The following MICU2 variants were observed in gnomAD, a reference collection of about 807,000 sequenced individuals.
MICU2 encodes the protein mitochondrial calcium uptake 2, also known as calcium uptake protein 2, mitochondrial.
A neutral mutation model predicts 60.4 loss-of-function variants in MICU2; 64 were observed. The observed-to-expected ratio is 1.06, with a 90% confidence interval of 0.87 to 1.31. MICU2 has a LOEUF of 1.31. MICU2 is among the 50% of genes most tolerant of loss of function. The pLI, the probability that MICU2 is intolerant of heterozygous loss-of-function variation, is 0.00. For synonymous variants in MICU2, 201 were observed against 175.0 expected (o/e 1.15, Z -1.17); for missense variants, 569 against 531.0 (o/e 1.07, Z -0.70).
At chr13:21,575,509 G>C (rs1889800877) in intron 1 of MICU2, among the ~76,000 whole-genome samples, 1 of 151,316 alleles carries the variant, frequency 6.6e-6, no homozygotes, top group Non-Finnish European at 1.5e-5. Flanking sequence ...GATCCCTTGA[G>C]CCCAAGAGTT....
chr13:21,576,757 T>C (rs1888235342), intron 1 of MICU2, among the ~76,000 whole-genome samples: 1 of 152,342 alleles, frequency 6.6e-6, no homozygotes. Context: ...GGCTGAATAC[T>C]GACTGATAGC....
intron 1 of MICU2, among the ~76,000 whole-genome samples, chr13:21,568,977 G>A (rs1443476331): frequency 6.6e-6 from 1 of 151,944 alleles, no homozygotes; most frequent in Non-Finnish European, 1.5e-5. Flanking sequence ...GTTATTCAGG[G>A]AAGTGCCATC....
chr13:21,496,125 A>G lies in MICU2; in HGVS notation c.969T>C (p.His323=), dbSNP rs1339735509. ...ISLDEFKSFC[H]FTTHLEDFAI... is the part of the protein sequence containing the mutation. ...CAAAGTCTTCCAAGTGGGTTGTAAA[A>G]TGGCAAAATGACTTGAATTCATCCA... The change falls in exon 10 of 12, where the codon CAT becomes CAC. Residue 323 remains histidine (H), a synonymous_variant. Coordinates refer to ENST00000382374, the MANE Select transcript of MICU2 (RefSeq NM_152726.3). The G allele has an allele frequency of 1.2e-6, 2 of 1,613,982 alleles. No homozygotes were observed. Among genetic ancestry groups the G allele is most frequent in the African/African-American group, 1.3e-5 (1 of 74,946 alleles).
chr13:21,567,007 C>A, intron 1 of MICU2, 63 bp from the exon 2 acceptor site: 1 of 1,388,018 alleles, frequency 7.2e-7, no homozygotes, highest in South Asian at 1.4e-5. Context: ...ACTTCTAGGA[C>A]AATCTTTAAA....
At chr13:21,550,804 T>C (rs967691584) in intron 2 of MICU2, among the ~76,000 whole-genome samples, 3 of 152,176 alleles carry the variant, frequency 2.0e-5, no homozygotes, top group African/African-American at 4.8e-5. Flanking sequence ...TTGACGTAGG[T>C]ACTATTAGCA....
rs113924028 is a variant in MICU2, at chr13:21,603,734, A to C, written c.210+205T>G. ...CCCAAGGGAGGCAGAATCTCCGGTC[A>C]CCAGCCTCGAAGGCCCTCGGGGACT... On this transcript the variant is annotated intron_variant, in intron 1 of 11. Coordinates refer to ENST00000382374, the MANE Select transcript of MICU2 (RefSeq NM_152726.3). 39 of 589,860 alleles carry C rather than the reference A, an allele frequency of 6.6e-5. 1 individual carries two copies. The highest frequency in any genetic ancestry group is 5.6e-4 in the African/African-American group (28 of 50,436). 36.5% of individuals were successfully genotyped at this position (589,860 alleles called of 1,614,324 possible). A position where few individuals can be genotyped will look rare whatever the true frequency, so the allele number is the denominator to read the frequency against.
chr13:21,514,394 CTT>C lies in MICU2; in HGVS notation c.620_621del (p.Gln207ArgfsTer2). The part of the protein sequence containing the change: ...FFKLQKIISK[Q>X]DDLMTVKTNE... ...TTAGTTTTCACTGTCATCAAGTCAT[CTT>C]GTTTACTTATGATCTTCTGCAGCTA... On this transcript the variant is annotated frameshift_variant, in exon 7 of 12. Transcript: ENST00000382374. LOFTEE classifies it high-confidence loss of function. 1 of 1,613,504 alleles carries C rather than the reference CTT, an allele frequency of 6.2e-7. No individual in the cohort carries two copies. The highest frequency in any genetic ancestry group is 2.2e-5 in the East Asian group (1 of 44,806).
intron 6 of MICU2, among the ~76,000 whole-genome samples, chr13:21,520,249 A>G (rs1290762030): frequency 6.6e-6 from 1 of 152,214 alleles, no homozygotes; most frequent in East Asian, 1.9e-4. Flanking sequence ...ATCATGAATA[A>G]AACAACTATG....
intron 5 of MICU2, among the ~76,000 whole-genome samples, chr13:21,522,206 A>G (rs1886735493): frequency 6.6e-6 from 1 of 152,226 alleles, no homozygotes; most frequent in Non-Finnish European, 1.5e-5. Context: ...ATAAGATACC[A>G]TGTTGTATTT....
Position 21,509,995 on chromosome 13 carries a change from T to A in MICU2, c.761+9A>T. On this transcript the variant is annotated intron_variant, in intron 8 of 11. Coordinates refer to ENST00000382374, the MANE Select transcript of MICU2 (RefSeq NM_152726.3). ...ATTTCCCTAAATGAATGTAAATATT[T>A]GCATTTACCTTCGAAATTCTTTATA... 6.8e-7 allele frequency: 1 copy of A among 1,475,198 alleles called. No homozygotes were observed. Among genetic ancestry groups the A allele is most frequent in the Non-Finnish European group, 9.1e-7 (1 of 1,094,420 alleles). 91.4% of individuals were successfully genotyped at this position (1,475,198 alleles called of 1,614,324 possible). A position where few individuals can be genotyped will look rare whatever the true frequency, so the allele number is the denominator to read the frequency against.
intron 2 of MICU2, among the ~76,000 whole-genome samples, chr13:21,549,862 C>A (rs1195116740): frequency 6.6e-6 from 1 of 152,138 alleles, no homozygotes; most frequent in East Asian, 1.9e-4. Flanking sequence ...ATAGTGGCAT[C>A]TGTTCTGTGA....
intron 1 of MICU2, among the ~76,000 whole-genome samples, chr13:21,588,254 T>G (rs1000472243): frequency 5.9e-5 from 9 of 152,252 alleles, no homozygotes; most frequent in African/African-American, 2.2e-4. Flanking sequence ...AATGCCTGGT[T>G]GGAATGGATC....
chr13:21,521,289 C>G lies in MICU2; in HGVS notation c.553G>C (p.Asp185His), dbSNP rs1228269746. 4 of 1,609,820 alleles carry G rather than the reference C, an allele frequency of 2.5e-6. No individual in the cohort carries two copies. The African/African-American group carries it at 5.4e-5, about 22-fold the overall frequency. Residue 185 changes from aspartate (D) to histidine (H), a missense_variant, in exon 6 of 12, where the codon GAT becomes CAT. Transcript: ENST00000382374. Reference sequence around the variant, plus strand: ...TCAATCATCTCATTACCATCTGTATCCAGCATTTTAAAAGCAACATGAAAT... The same window carrying G: ...TCAATCATCTCATTACCATCTGTATGCAGCATTTTAAAAGCAACATGAAAT... The part of the protein sequence containing the change: ...SGFHVAFKML[D>H]TDGNEMIEKR...
At chr13:21,496,023 A>C (rs1472795085) in intron 10 of MICU2, 29 bp downstream of exon 10, 1 of 1,508,970 alleles carries the variant, frequency 6.6e-7, no homozygotes, top group Non-Finnish European at 9.1e-7. Context: ...ATAGATGATA[A>C]AAATTAAATG....
At chr13:21,546,728 GAGTGT>G (rs1887428225) in intron 2 of MICU2, among the ~76,000 whole-genome samples, 1 of 152,186 alleles carries the variant, frequency 6.6e-6, no homozygotes, top group Non-Finnish European at 1.5e-5. Context: ...TAATTTGATA[GAGTGT>G]GTAGGGGAAG....
intron 4 of MICU2, among the ~76,000 whole-genome samples, chr13:21,538,146 G>C (rs1320264709): frequency 6.6e-6 from 1 of 151,972 alleles, no homozygotes; most frequent in Non-Finnish European, 1.5e-5. Context: ...CAAGAGGTCT[G>C]CGTTTACTTT....
intron 2 of MICU2, among the ~76,000 whole-genome samples, chr13:21,542,179 T>C (rs183160645): frequency 2.6e-5 from 4 of 152,330 alleles, no homozygotes; most frequent in African/African-American, 9.6e-5. Flanking sequence ...CAGGGTTTTC[T>C]TGGTAGACAG....
chr13:21,589,193 C>T (rs1361564250), intron 1 of MICU2, among the ~76,000 whole-genome samples: 2 of 152,176 alleles, frequency 1.3e-5, no homozygotes, highest in Non-Finnish European at 2.9e-5. Flanking sequence ...ATGAGTTAGC[C>T]TGCAACTCAG....
At chr13:21,502,731 T>C in intron 9 of MICU2, 195 bp downstream of exon 9, 1 of 479,560 alleles carries the variant, frequency 2.1e-6, no homozygotes, top group Non-Finnish European at 3.6e-6. Flanking sequence ...AATGGAAAAC[T>C]TGTAATTGCT....
Sources: allele counts gnomAD v4.1 joint callset (sites outside exome capture counted in the v4.1 genomes callset), GRCh38; gene constraint gnomAD v4.1.1; transcripts MANE v1.5; gene names NCBI Gene and HGNC (gene_info 2026-07-23, HGNC 2026-07-21).